NUFIP1: variants seen among roughly 807,000 people sequenced by gnomAD.
The protein encoded by NUFIP1 is nuclear FMR1 interacting protein 1.
In NUFIP1, 38 loss-of-function variants were observed where a neutral mutation model predicts 56.2. That is an observed-to-expected ratio of 0.68 (90% confidence interval 0.52 to 0.89). The LOEUF (loss-of-function observed/expected upper bound fraction) is 0.89, where lower values mean the gene tolerates loss of function less well. Ranked by LOEUF, NUFIP1 falls within the 40% of genes least tolerant of loss-of-function variation. The pLI, the probability that NUFIP1 is intolerant of heterozygous loss-of-function variation, is 0.00. For missense variants in NUFIP1, 567 were observed against 605.8 expected (o/e 0.94, Z 0.67); for synonymous variants, 215 against 212.4 (o/e 1.01, Z -0.10).
Position 44,940,267 on chromosome 13 carries a change from G to A in NUFIP1, c.*939C>T, listed in dbSNP as rs948474054. On this transcript the variant is annotated 3_prime_UTR_variant, in exon 10 of 10. Coordinates refer to ENST00000379161, the MANE Select transcript of NUFIP1 (RefSeq NM_012345.3). ...TGAATCTTCATCTCAGGTCTGTGAC[G>A]TCACTAGGGTCACATGCCAGGTGTT... 9 of 152,130 alleles carry A rather than the reference G, an allele frequency of 5.9e-5. No individual in the cohort carries two copies. Among genetic ancestry groups the A allele is most frequent in the African/African-American group, 1.4e-4 (6 of 41,434 alleles). 9.4% of individuals were successfully genotyped at this position (152,130 alleles called of 1,614,324 possible). A position where few individuals can be genotyped will look rare whatever the true frequency, so the allele number is the denominator to read the frequency against.
chr13:44,985,872 C>T (rs1288901829), intron 1 of NUFIP1, among the ~76,000 whole-genome samples: 1 of 152,130 alleles, frequency 6.6e-6, no homozygotes, highest in Non-Finnish European at 1.5e-5. Flanking sequence ...AATCGAAAGC[C>T]AGAAATGATT....
At chr13:44,954,036 G>C (rs754673768) in intron 7 of NUFIP1, among the ~76,000 whole-genome samples, 1 of 146,610 alleles carries the variant, frequency 6.8e-6, no homozygotes, top group Non-Finnish European at 1.6e-5. Flanking sequence ...AGAAAGAAAA[G>C]TCCCTGGGAT....
In NUFIP1 at chr13:44,939,953, T is replaced by A. The variant is rs1870673719; in HGVS notation, c.*1253A>T. ...GTTATATTTTAGAATATCAACTCAG[T>A]TGTAACACTAGTTACTTCATCCTGA... On this transcript the variant is annotated 3_prime_UTR_variant, in exon 10 of 10. Transcript: ENST00000379161. The A allele has an allele frequency of 6.6e-6, 1 of 152,190 alleles. No individual in the cohort carries two copies. The highest frequency in any genetic ancestry group is 1.5e-5 in the Non-Finnish European group (1 of 68,020). The allele number at this position is 152,190 out of a possible 1,614,324, so 9.4% of individuals were successfully genotyped here. A position where few individuals can be genotyped will look rare whatever the true frequency, so the allele number is the denominator to read the frequency against.
Position 44,949,832 on chromosome 13 carries a change from T to G in NUFIP1, c.1028A>C (p.Asp343Ala). The G allele has an allele frequency of 1.2e-6, 2 of 1,610,646 alleles. No individual in the cohort carries two copies. Among genetic ancestry groups the G allele is most frequent in the Non-Finnish European group, 8.5e-7 (1 of 1,176,828 alleles). ...GVLINSDSESDKEEKPQHSVI... is the reference protein window; with the variant it reads ...GVLINSDSESAKEEKPQHSVI... ...AGAATGTTGTGGTTTCTCCTCCTTATCAGACTCTGAAGGGAAAAGAAGTCA... is the reference window on the plus strand; with the variant it reads ...AGAATGTTGTGGTTTCTCCTCCTTAGCAGACTCTGAAGGGAAAAGAAGTCA... The change falls in exon 8 of 10, where the codon GAT (aspartate) becomes GCT (alanine). Residue 343 changes from aspartate to alanine, a missense_variant. Transcript: ENST00000379161.
chr13:44,977,556 A>G (rs923324003), intron 5 of NUFIP1, among the ~76,000 whole-genome samples: 8 of 152,220 alleles, frequency 5.3e-5, no homozygotes, highest in African/African-American at 1.9e-4. Context: ...AAGTAAGGAG[A>G]GAGTAGTAAG....
In NUFIP1 at chr13:44,989,273, G is replaced by A. The variant is rs774722610; in HGVS notation, c.164C>T (p.Pro55Leu). 11 of 1,613,474 alleles carry A rather than the reference G, an allele frequency of 6.8e-6. No individual in the cohort carries two copies. In the East Asian group the frequency reaches 1.8e-4, roughly 26 times the overall value. ...AGAGGAAGGCTTTGACCCGGCTGCG[G>A]GAAGCGAGGACGTAAGTGGTGGTGG... ...PPPPPLTSSLPAAGSKPSSES... is the reference protein window; with the variant it reads ...PPPPPLTSSLLAAGSKPSSES... Residue 55 changes from proline to leucine, a missense_variant, in exon 1 of 10, where the codon CCC becomes CTC. Coordinates refer to ENST00000379161, the MANE Select transcript of NUFIP1 (RefSeq NM_012345.3).
intron 6 of NUFIP1, 128 bp downstream of exon 6, chr13:44,965,716 A>T (rs1384031003): frequency 2.6e-6 from 1 of 380,154 alleles, no homozygotes; most frequent in Non-Finnish European, 4.5e-6. Flanking sequence ...AAATAAAAAT[A>T]AAAATAAATA....
chr13:44,949,722 C>A lies in NUFIP1; in HGVS notation c.1138G>T (p.Glu380Ter), dbSNP rs772279688. The A allele has an allele frequency of 2.5e-6, 4 of 1,589,350 alleles. No homozygotes were observed. The Admixed American group carries it at 5.3e-5, about 21-fold the overall frequency. ...SLSGSESEPE[E>*]TPIKTEADVL... Reference sequence around the variant, plus strand: ...TGTAACAACACACACCATGACTTACCTTCTGGCTCACTCTCTGACCCTGAA... The same window carrying A: ...TGTAACAACACACACCATGACTTACATTCTGGCTCACTCTCTGACCCTGAA... The change falls in exon 8 of 10, where the codon GAA becomes TAA. Residue 380 changes from glutamate to a stop codon, truncating the protein, a stop_gained and splice_region_variant. Transcript: ENST00000379161. LOFTEE classifies it high-confidence loss of function.
chr13:44,944,376 T>C (rs1024717857), intron 8 of NUFIP1, among the ~76,000 whole-genome samples: 9 of 152,132 alleles, frequency 5.9e-5, no homozygotes, highest in Admixed American at 1.3e-4. Context: ...GAACAGTTCA[T>C]AATGCTAAAG....
rs1871340405 is a variant in NUFIP1, at chr13:44,959,284, T to C, written c.1021+97A>G. 3 of 1,109,904 alleles carry C rather than the reference T, an allele frequency of 2.7e-6. No individual in the cohort carries two copies. In the South Asian group the frequency reaches 4.1e-5, roughly 15 times the overall value. 68.8% of individuals were successfully genotyped at this position (1,109,904 alleles called of 1,614,324 possible). Reference sequence around the variant, plus strand: ...AAGCATCATTCTGCATTGTTATACATTTGATATTAAACTTTCCACAAGCAA... The same window carrying C: ...AAGCATCATTCTGCATTGTTATACACTTGATATTAAACTTTCCACAAGCAA... On this transcript the variant is annotated intron_variant, in intron 7 of 9. Transcript: ENST00000379161.
chr13:44,986,593 G>A (rs980705163), intron 1 of NUFIP1, among the ~76,000 whole-genome samples: 9 of 151,710 alleles, frequency 5.9e-5, no homozygotes, highest in African/African-American at 2.2e-4. Flanking sequence ...TAGGGAGGCT[G>A]AGGCAGGAGA....
intron 1 of NUFIP1, among the ~76,000 whole-genome samples, chr13:44,983,822 G>T (rs1033832576): frequency 1.3e-5 from 2 of 152,100 alleles, no homozygotes; most frequent in Non-Finnish European, 2.9e-5. Context: ...TAAAGGATGA[G>T]TTTGACCTTC....
chr13:44,986,492 C>T (rs1872398392), intron 1 of NUFIP1, among the ~76,000 whole-genome samples: 1 of 151,892 alleles, frequency 6.6e-6, no homozygotes, highest in African/African-American at 2.4e-5. Context: ...GCGATCGAGA[C>T]CATCCTGGCT....
intron 1 of NUFIP1, 122 bp downstream of exon 1, chr13:44,988,903 C>T (rs1872538979): frequency 6.2e-6 from 6 of 965,036 alleles, no homozygotes; most frequent in Non-Finnish European, 9.2e-6. Flanking sequence ...CTTTGAGATG[C>T]TAATGACCAG....
At chr13:44,982,220 T>C in intron 1 of NUFIP1, 66 bp from the exon 2 acceptor site, 5 of 713,742 alleles carry the variant, frequency 7.0e-6, no homozygotes, top group Non-Finnish European at 1.0e-5. Flanking sequence ...TTAAATTTTA[T>C]CTACTACAGC....
intron 8 of NUFIP1, among the ~76,000 whole-genome samples, chr13:44,946,133 G>A (rs1454979853): frequency 3.3e-5 from 5 of 151,924 alleles, no homozygotes; most frequent in Non-Finnish European, 7.4e-5. Context: ...CTCAAGTATC[G>A]ATCACTCAAT....
intron 8 of NUFIP1, among the ~76,000 whole-genome samples, chr13:44,948,568 C>A (rs183177060): frequency 6.6e-6 from 1 of 152,150 alleles, no homozygotes. Context: ...AATTTTCTCA[C>A]GGCTGGTAAA....
At chr13:44,967,843 G>C (rs966648455) in intron 5 of NUFIP1, among the ~76,000 whole-genome samples, 1 of 152,132 alleles carries the variant, frequency 6.6e-6, no homozygotes, top group Non-Finnish European at 1.5e-5. Context: ...AAAAAACATA[G>C]AAGGAAGGGA....
At chr13:44,983,191 G>C (rs962967619) in intron 1 of NUFIP1, among the ~76,000 whole-genome samples, 1 of 151,704 alleles carries the variant, frequency 6.6e-6, no homozygotes, top group Non-Finnish European at 1.5e-5. Flanking sequence ...TTTTTGGCGG[G>C]GGAGATGCAG....
Sources: gnomAD v4.1 joint callset for allele counts (sites outside exome capture counted in the v4.1 genomes callset) on GRCh38, gnomAD v4.1.1 for gene constraint, MANE v1.5 for transcripts, NCBI Gene and HGNC (gene_info 2026-07-23, HGNC 2026-07-21) for gene names.